Variants in SPAG16 observed in about 807,000 individuals in gnomAD.
SPAG16 encodes the protein sperm-associated antigen 16 protein.
Under a neutral mutation model 80.4 loss-of-function variants are expected in SPAG16, and 86 were observed. The ratio of observed to expected loss-of-function variants is 1.07; its 90% CI spans 0.90 to 1.28. SPAG16 has a LOEUF of 1.28. Ranked by LOEUF, SPAG16 falls within the 50% of genes most tolerant of loss-of-function variation. SPAG16 has a pLI of 0.00. For synonymous variants in SPAG16, 294 were observed against 265.9 expected (o/e 1.11, Z -1.03); for missense variants, 870 against 765.3 (o/e 1.14, Z -1.61).
At chr2:213,795,498 G>A (rs139198012) in intron 10 of SPAG16, among the ~76,000 whole-genome samples, 45 of 152,116 alleles carry the variant, frequency 3.0e-4, no homozygotes, top group East Asian at 1.2e-3. Context: ...CAAAAAATAC[G>A]CCAATCCTTT....
At chr2:213,359,821 A>T (rs2065877306) in intron 7 of SPAG16, among the ~76,000 whole-genome samples, 1 of 152,170 alleles carries the variant, frequency 6.6e-6, no homozygotes, top group South Asian at 2.1e-4. Flanking sequence ...CCAGCACCTC[A>T]GTTGGAAATG....
intron 9 of SPAG16, among the ~76,000 whole-genome samples, chr2:213,432,439 T>A (rs2070364106): frequency 6.6e-6 from 1 of 151,818 alleles, no homozygotes; most frequent in Non-Finnish European, 1.5e-5. Context: ...ATAAAAAAGA[T>A]CACCGGAGAC....
intron 10 of SPAG16, among the ~76,000 whole-genome samples, chr2:213,768,705 T>C (rs2069082460): frequency 6.6e-6 from 1 of 152,184 alleles, no homozygotes; most frequent in Non-Finnish European, 1.5e-5. Flanking sequence ...CAAATGGAAA[T>C]ATCCAATCAC....
chr2:213,508,029 G>T (rs2075041134), intron 10 of SPAG16, among the ~76,000 whole-genome samples: 1 of 152,174 alleles, frequency 6.6e-6, no homozygotes, highest in Non-Finnish European at 1.5e-5. Context: ...CCATCACATT[G>T]TATGCTTTGC....
rs188548656 is a variant in SPAG16, at chr2:213,823,663, C to G, written c.1071-38822C>G. ...GTGTGAGTCACCACACCACACCCGG[C>G]CTGTTGAGCTTTTTTTCATATATTT... is the stretch of plus-strand genomic sequence containing the variant. On this transcript the variant is annotated intron_variant, in intron 10 of 15. Transcript: ENST00000331683. Among the ~76,000 whole-genome samples, 423 of 152,158 alleles carry G rather than the reference C, an allele frequency of 2.8e-3. 5 individuals are homozygous for G. Among genetic ancestry groups the G allele is most frequent in the Admixed American group, 6.6e-3 (101 of 15,272 alleles).
intron 15 of SPAG16, among the ~76,000 whole-genome samples, chr2:214,394,784 A>G (rs1001506365): frequency 3.3e-5 from 5 of 152,174 alleles, no homozygotes; most frequent in Admixed American, 6.5e-5. Context: ...GGACAAACGT[A>G]TAATGACGTA....
intron 10 of SPAG16, among the ~76,000 whole-genome samples, chr2:213,680,247 C>T (rs1256171167): frequency 1.3e-5 from 2 of 152,050 alleles, no homozygotes; most frequent in Non-Finnish European, 2.9e-5. Flanking sequence ...TCCACCTAGT[C>T]CCTTTGATAA....
rs184741157 is a variant in SPAG16, at chr2:214,332,350, A to C, written c.1721-77790A>C. 5.7e-3 allele frequency among the ~76,000 whole-genome samples: 867 copies of C among 152,316 alleles called. 4 individuals carry two copies. Among genetic ancestry groups the C allele is most frequent in the Non-Finnish European group, 0.01 (707 of 68,020 alleles). ...CAGTGACCCAACGTTGGTTTCTTTT[A>C]ATGGTATGTTGTGCTGTTTTGTCCA... On this transcript the variant is annotated intron_variant, in intron 15 of 15. Transcript: ENST00000331683.
At chr2:214,178,296 A>C (rs2057195450) in intron 15 of SPAG16, among the ~76,000 whole-genome samples, 1 of 150,904 alleles carries the variant, frequency 6.6e-6, no homozygotes, top group African/African-American at 2.4e-5. Context: ...AGGAAATTGG[A>C]ATGTAGGAGT....
chr2:214,324,544 A>G (rs554905944), intron 15 of SPAG16, among the ~76,000 whole-genome samples: 3 of 152,126 alleles, frequency 2.0e-5, no homozygotes, highest in Non-Finnish European at 4.4e-5. Flanking sequence ...TCATGAGAGG[A>G]TCTGTATTTT....
intron 14 of SPAG16, 63 bp from the exon 15 acceptor site, chr2:214,149,077 G>GTGTATATATA (rs879196704): frequency 0.035 from 8,383 of 239,958 alleles, 686 homozygotes; most frequent in African/African-American, 0.18. Flanking sequence ...GTGTGTGTGT[G>GTGTATATATA]TATATATATA....
chr2:214,293,083 A>C (rs1019996218), intron 15 of SPAG16, among the ~76,000 whole-genome samples: 1 of 152,162 alleles, frequency 6.6e-6, no homozygotes, highest in Non-Finnish European at 1.5e-5. Flanking sequence ...GCCGTAGAGC[A>C]ATGTATGCTG....
intron 8 of SPAG16, among the ~76,000 whole-genome samples, chr2:213,370,809 A>G (rs942290998): frequency 3.3e-5 from 5 of 152,224 alleles, no homozygotes; most frequent in Admixed American, 2.0e-4. Flanking sequence ...GATGTTTACA[A>G]TGTACTTTGG....
intron 10 of SPAG16, among the ~76,000 whole-genome samples, chr2:213,778,708 C>T (rs1483313866): frequency 1.3e-5 from 2 of 152,164 alleles, no homozygotes; most frequent in Admixed American, 6.5e-5. Flanking sequence ...CATCAGTCAT[C>T]ACTTCAACCA....
intron 10 of SPAG16, among the ~76,000 whole-genome samples, chr2:213,766,131 A>G (rs952015071): frequency 2.0e-5 from 3 of 152,220 alleles, no homozygotes; most frequent in African/African-American, 7.2e-5. Flanking sequence ...TGGCTTCCAC[A>G]TGGACTTTTA....
intron 10 of SPAG16, among the ~76,000 whole-genome samples, chr2:213,702,578 C>A (rs544961833): frequency 6.6e-6 from 1 of 152,082 alleles, no homozygotes; most frequent in African/African-American, 2.4e-5. Context: ...CCACCAGTTC[C>A]GGACACAATA....
At chr2:213,667,670 T>C (rs915574686) in intron 10 of SPAG16, among the ~76,000 whole-genome samples, 2 of 152,172 alleles carry the variant, frequency 1.3e-5, no homozygotes, top group African/African-American at 2.4e-5. Context: ...CTGATTATAA[T>C]TAAGTTATGG....
In SPAG16 at chr2:213,340,397, C is replaced by T. The variant is rs190557885; in HGVS notation, c.644+127C>T. On this transcript the variant is annotated intron_variant, in intron 6 of 15. Coordinates refer to ENST00000331683, the MANE Select transcript of SPAG16 (RefSeq NM_024532.5). ...TATTGAGCATAAGATGAGTAAGTTG[C>T]GACCCTTGCTGTCAAGGGTCTCAGA... 1.3e-3 allele frequency: 887 copies of T among 683,188 alleles called. 2 individuals are homozygous for T. Among genetic ancestry groups the T allele is most frequent in the Middle Eastern group, 0.01 (25 of 2,436 alleles). The allele number at this position is 683,188 out of a possible 1,614,324, so 42.3% of individuals were successfully genotyped here.
At chr2:214,243,430 C>A (rs1689629378) in intron 15 of SPAG16, among the ~76,000 whole-genome samples, 1 of 151,950 alleles carries the variant, frequency 6.6e-6, no homozygotes, top group African/African-American at 2.4e-5. Context: ...TAAAATTTAA[C>A]TATAGTACCT....
Sources: gnomAD v4.1 joint callset for allele counts (sites outside exome capture counted in the v4.1 genomes callset) on GRCh38, gnomAD v4.1.1 for gene constraint, MANE v1.5 for transcripts, NCBI Gene and HGNC (gene_info 2026-07-23, HGNC 2026-07-21) for gene names.